The following RANBP2 variants were observed in gnomAD, a reference collection of about 807,000 sequenced individuals.
The protein encoded by RANBP2 is RAN binding protein 2, also known as E3 SUMO-protein ligase RanBP2.
A neutral mutation model predicts 303.6 loss-of-function variants in RANBP2; 57 were observed. The ratio of observed to expected loss-of-function variants is 0.19; its 90% CI spans 0.15 to 0.23. The LOEUF (loss-of-function observed/expected upper bound fraction) is 0.23, where lower values mean the gene tolerates loss of function less well. Among genes scored for constraint, RANBP2 ranks in the 10% least tolerant of loss-of-function variants. RANBP2 has a pLI of 1.00. For synonymous variants in RANBP2, 1,167 were observed against 1,301.5 expected, an observed-to-expected ratio of 0.90 and a Z score of 2.23; for missense variants, 3,138 against 3,780.8, an observed-to-expected ratio of 0.83 and a Z score of 4.46.
chr2:109,514,479 C>T, the RANBP2 span, among the ~76,000 whole-genome samples: 1 of 152,164 alleles, frequency 6.6e-6, no homozygotes, highest in Non-Finnish European at 1.5e-5. Flanking sequence ...GGGCCCTGTA[C>T]GAGTTCAGTG....
At chr2:108,946,603 C>A in the RANBP2 span, among the ~76,000 whole-genome samples, 1 of 152,192 alleles carries the variant, frequency 6.6e-6, no homozygotes, top group Non-Finnish European at 1.5e-5. Context: ...ACATGGCTGG[C>A]AGGCCTCAGG....
the RANBP2 span, among the ~76,000 whole-genome samples, chr2:109,728,299 C>T: frequency 6.6e-6 from 1 of 152,162 alleles, no homozygotes; most frequent in Non-Finnish European, 1.5e-5. Flanking sequence ...GCTGTCCTCA[C>T]TAAGCCTTGC....
chr2:108,959,745 C>T, the RANBP2 span, among the ~76,000 whole-genome samples: 1 of 152,146 alleles, frequency 6.6e-6, no homozygotes, highest in Non-Finnish European at 1.5e-5. Context: ...CAAATGTCTA[C>T]AGGGGATTCA....
the RANBP2 span, among the ~76,000 whole-genome samples, chr2:109,583,615 C>T: frequency 2.0e-5 from 3 of 152,144 alleles, no homozygotes; most frequent in African/African-American, 4.8e-5. Context: ...AACTACCATT[C>T]GACCCAGCTA....
At chr2:109,505,251 G>A in the RANBP2 span, among the ~76,000 whole-genome samples, 3 of 152,234 alleles carry the variant, frequency 2.0e-5, no homozygotes. Flanking sequence ...TGGGCCGCCA[G>A]CCTGATCCAT....
the RANBP2 span, among the ~76,000 whole-genome samples, chr2:109,636,905 G>C: frequency 6.6e-6 from 1 of 151,920 alleles, no homozygotes; most frequent in African/African-American, 2.4e-5. Flanking sequence ...GACTGAGAAA[G>C]AGAGATAAGA....
the RANBP2 span, among the ~76,000 whole-genome samples, chr2:109,038,723 T>G: frequency 6.6e-6 from 1 of 152,144 alleles, no homozygotes; most frequent in African/African-American, 2.4e-5. Flanking sequence ...AGGAGTGGGA[T>G]TACTGGGTTA....
At chr2:109,215,603 T>G in the RANBP2 span, among the ~76,000 whole-genome samples, 162 of 152,198 alleles carry the variant, frequency 1.1e-3, no homozygotes, top group African/African-American at 3.7e-3. Context: ...CCTCTCTGGG[T>G]AGAGTTCTTC....
chr2:109,672,459 G>T, the RANBP2 span, among the ~76,000 whole-genome samples: 1 of 152,160 alleles, frequency 6.6e-6, no homozygotes, highest in Non-Finnish European at 1.5e-5. Flanking sequence ...ACAAGAAAAG[G>T]AAGCGGAGGA....
the RANBP2 span, among the ~76,000 whole-genome samples, chr2:109,201,621 G>A: frequency 6.6e-6 from 1 of 152,212 alleles, no homozygotes; most frequent in Non-Finnish European, 1.5e-5. Flanking sequence ...GCCTCTCACA[G>A]CATGGCCTTC....
the RANBP2 span, among the ~76,000 whole-genome samples, chr2:109,591,634 C>T: frequency 2.0e-5 from 3 of 152,154 alleles, no homozygotes; most frequent in African/African-American, 4.8e-5. Flanking sequence ...TGGTGGCTCA[C>T]GTCTGTAATC....
the RANBP2 span, among the ~76,000 whole-genome samples, chr2:109,704,358 G>C: frequency 2.0e-5 from 3 of 151,770 alleles, no homozygotes; most frequent in Admixed American, 6.6e-5. Flanking sequence ...GACCAGCCAG[G>C]GCAACACGGC....
chr2:109,196,170 G>C, the RANBP2 span, among the ~76,000 whole-genome samples: 1 of 152,220 alleles, frequency 6.6e-6, no homozygotes, highest in Non-Finnish European at 1.5e-5. Context: ...GGTTGGCCAT[G>C]GCAGAGCTGC....
chr2:109,718,003 G>T, the RANBP2 span, among the ~76,000 whole-genome samples: 2 of 152,114 alleles, frequency 1.3e-5, no homozygotes, highest in Admixed American at 6.6e-5. Context: ...AACAAAATGA[G>T]CAAAACTTAT....
At chr2:109,760,400 G>GGGCGGCGGCGGCGGCGGCGGC in the RANBP2 span, 1 of 707,896 alleles carries the variant, frequency 1.4e-6, no homozygotes, top group Admixed American at 8.4e-5. Context: ...GGCGGGGCGG[G>GGGCGGCGGCGGCGGCGGCGGC]GGCGGCGGCG....
the RANBP2 span, among the ~76,000 whole-genome samples, chr2:109,682,227 G>A: frequency 4.6e-5 from 7 of 152,338 alleles, no homozygotes; most frequent in South Asian, 4.1e-4. Context: ...AGTGAGCCTG[G>A]CAGTAAAGTT....
chr2:109,542,635 C>G, the RANBP2 span, among the ~76,000 whole-genome samples: 2 of 152,226 alleles, frequency 1.3e-5, no homozygotes, highest in Admixed American at 1.3e-4. Flanking sequence ...GTCACCTACC[C>G]TCCAGGACTC....
At chr2:109,280,550 G>A in the RANBP2 span, among the ~76,000 whole-genome samples, 1 of 152,194 alleles carries the variant, frequency 6.6e-6, no homozygotes, top group African/African-American at 2.4e-5. Flanking sequence ...AGCAGTCATT[G>A]AAATATGGGG....
the RANBP2 span, among the ~76,000 whole-genome samples, chr2:109,041,670 C>T: frequency 7.4e-5 from 11 of 149,654 alleles, no homozygotes; most frequent in Middle Eastern, 3.5e-3. Flanking sequence ...TACAGGTGCC[C>T]GCCACCATGC....
Sources: gnomAD v4.1 joint callset for allele counts (sites outside exome capture counted in the v4.1 genomes callset) on GRCh38, gnomAD v4.1.1 for gene constraint, MANE v1.5 for transcripts, NCBI Gene and HGNC (gene_info 2026-07-23, HGNC 2026-07-21) for gene names.